The following PDE4B variants were observed in gnomAD, a reference collection of about 807,000 sequenced individuals.
PDE4B encodes 3',5'-cyclic-AMP phosphodiesterase 4B.
PDE4B carries 20 observed loss-of-function variants against 82.2 expected under a neutral mutation model. That is an observed-to-expected ratio of 0.24 (90% CI 0.17 to 0.35). The LOEUF is 0.35. PDE4B is among the 10% of genes least tolerant of loss of function. PDE4B has a pLI of 1.00. For missense variants in PDE4B, 655 were observed against 907.2 expected, an observed-to-expected ratio of 0.72 and a Z score of 3.57; for synonymous variants, 320 against 318.9, an observed-to-expected ratio of 1.00 and a Z score of -0.04.
At chr1:65,984,615 C>T (rs1171899843) in intron 3 of PDE4B, among the ~76,000 whole-genome samples, 5 of 152,130 alleles carry the variant, frequency 3.3e-5, no homozygotes, top group South Asian at 4.2e-4. Context: ...ATTAGCCAGG[C>T]GTGGTGGTGG....
intron 16 of PDE4B, among the ~76,000 whole-genome samples, chr1:66,371,668 A>C (rs2050788330): frequency 6.6e-6 from 1 of 152,206 alleles, no homozygotes; most frequent in African/African-American, 2.4e-5. Context: ...CAGGGCTCAA[A>C]GTATTTTCAC....
At chr1:65,875,800 G>A (rs1646633617) in intron 1 of PDE4B, among the ~76,000 whole-genome samples, 1 of 120,620 alleles carries the variant, frequency 8.3e-6, no homozygotes, top group African/African-American at 3.1e-5. Flanking sequence ...GGGGACTGTG[G>A]TGGGGTGGGG....
At chr1:66,195,228 C>A (rs1433363065) in intron 3 of PDE4B, among the ~76,000 whole-genome samples, 1 of 152,110 alleles carries the variant, frequency 6.6e-6, no homozygotes, top group Admixed American at 6.6e-5. Context: ...CACTCTGGCA[C>A]CAGATGAATA....
At chr1:65,890,072 G>T (rs1302112954) in intron 1 of PDE4B, among the ~76,000 whole-genome samples, 5 of 151,344 alleles carry the variant, frequency 3.3e-5, no homozygotes, top group African/African-American at 1.2e-4. Flanking sequence ...GAGAAATTTA[G>T]AACTGCTAGA....
At chr1:65,993,738 T>A (rs953716633) in intron 3 of PDE4B, among the ~76,000 whole-genome samples, 1 of 152,186 alleles carries the variant, frequency 6.6e-6, no homozygotes, top group Non-Finnish European at 1.5e-5. Context: ...TCCAAAATGC[T>A]GTTATCTTTA....
At position 65,942,769 on chromosome 1, in the gene PDE4B, A is replaced by C. The variant is rs544419156; in HGVS notation, c.281+23934A>C. ...AGTGGTTTTAATTTGCATTTCTCTGATGATTAGTGATGTTGAACGTTTTTT... is the reference window on the plus strand; with the variant it reads ...AGTGGTTTTAATTTGCATTTCTCTGCTGATTAGTGATGTTGAACGTTTTTT... On this transcript the variant is annotated intron_variant, in intron 3 of 16. Coordinates refer to ENST00000341517, the MANE Select transcript of PDE4B (RefSeq NM_002600.4). 5.3e-5 allele frequency among the ~76,000 whole-genome samples: 8 copies of C among 151,148 alleles called. No individual in the cohort carries two copies. The East Asian group carries it at 1.5e-3, about 29-fold the overall frequency.
chr1:66,094,265 C>T (rs1000012782), intron 3 of PDE4B, among the ~76,000 whole-genome samples: 1 of 151,890 alleles, frequency 6.6e-6, no homozygotes, highest in African/African-American at 2.4e-5. Context: ...GAAATGACTG[C>T]GCTTCAGATT....
intron 3 of PDE4B, among the ~76,000 whole-genome samples, chr1:66,154,512 C>A (rs1462569794): frequency 6.6e-6 from 1 of 152,168 alleles, no homozygotes; most frequent in Non-Finnish European, 1.5e-5. Context: ...CGTCCTTGAT[C>A]CTGCTGTCTG....
intron 3 of PDE4B, among the ~76,000 whole-genome samples, chr1:66,022,736 G>A (rs551748470): frequency 1.3e-5 from 2 of 152,160 alleles, no homozygotes; most frequent in East Asian, 1.9e-4. Flanking sequence ...TTTTTGCATC[G>A]ATGTTCATCA....
chr1:66,092,775 G>C (rs569647636), intron 3 of PDE4B, among the ~76,000 whole-genome samples: 2 of 152,060 alleles, frequency 1.3e-5, no homozygotes, highest in African/African-American at 4.8e-5. Context: ...AGTTGGGTGT[G>C]GGTGGGGAAC....
intron 3 of PDE4B, among the ~76,000 whole-genome samples, chr1:66,150,600 C>A (rs1413133372): frequency 6.6e-6 from 1 of 152,126 alleles, no homozygotes; most frequent in Admixed American, 6.6e-5. Flanking sequence ...GAGCAGACAG[C>A]CTCGTTTTGT....
intron 1 of PDE4B, among the ~76,000 whole-genome samples, chr1:65,800,079 G>A (rs150308021): frequency 2.4e-3 from 365 of 152,204 alleles, no homozygotes; most frequent in African/African-American, 7.7e-3. Context: ...TATATACTGG[G>A]GGGATTTTTC....
At chr1:65,942,143 A>G (rs1648480862) in intron 3 of PDE4B, among the ~76,000 whole-genome samples, 1 of 151,762 alleles carries the variant, frequency 6.6e-6, no homozygotes, top group Non-Finnish European at 1.5e-5. Flanking sequence ...TACCATCTCA[A>G]CTTCCTTCTT....
intron 3 of PDE4B, among the ~76,000 whole-genome samples, chr1:65,929,718 A>G (rs1397362938): frequency 6.6e-6 from 1 of 152,152 alleles, no homozygotes; most frequent in East Asian, 1.9e-4. Flanking sequence ...TTCTGCACAT[A>G]TGGTCAAAGG....
chr1:66,026,980 T>G (rs1170529461), intron 3 of PDE4B, among the ~76,000 whole-genome samples: 3 of 152,258 alleles, frequency 2.0e-5, no homozygotes, highest in Non-Finnish European at 4.4e-5. Flanking sequence ...AGATTTGTTT[T>G]GAATAATCCT....
intron 8 of PDE4B, among the ~76,000 whole-genome samples, chr1:66,343,492 C>T (rs2101962517): frequency 6.6e-6 from 1 of 152,308 alleles, no homozygotes; most frequent in Non-Finnish European, 1.5e-5. Context: ...AAAGGCCATC[C>T]TCTTACCTAT....
intron 3 of PDE4B, among the ~76,000 whole-genome samples, chr1:65,975,061 G>T (rs897123133): frequency 2.0e-5 from 3 of 152,230 alleles, no homozygotes; most frequent in African/African-American, 7.2e-5. Context: ...ACAGGAAGAT[G>T]TGGGAAAGTG....
rs151112132 is a variant in PDE4B at position 65,848,162 on chromosome 1, C to T, written c.-71+54914C>T. Reference sequence around the variant, plus strand: ...GCTTTATCATTTTTTTTTTTTGAGACGGAGTCTTGCTCTGTCACCAGGATG... The same window carrying T: ...GCTTTATCATTTTTTTTTTTTGAGATGGAGTCTTGCTCTGTCACCAGGATG... On this transcript the variant is annotated intron_variant, in intron 1 of 16. Coordinates refer to ENST00000341517, the MANE Select transcript of PDE4B (RefSeq NM_002600.4). 3.9e-3 allele frequency among the ~76,000 whole-genome samples: 589 copies of T among 150,942 alleles called. 4 individuals are homozygous for T. The highest frequency in any genetic ancestry group is 0.01 in the Middle Eastern group (3 of 294).
chr1:66,309,413 G>A (rs1658514620), intron 7 of PDE4B, among the ~76,000 whole-genome samples: 1 of 152,182 alleles, frequency 6.6e-6, no homozygotes, highest in Admixed American at 6.5e-5. Flanking sequence ...GCTCCATCTA[G>A]CTCCCTGGGC....
Sources: allele counts gnomAD v4.1 joint callset (sites outside exome capture counted in the v4.1 genomes callset), GRCh38; gene constraint gnomAD v4.1.1; transcripts MANE v1.5; gene names NCBI Gene and HGNC (gene_info 2026-07-23, HGNC 2026-07-21).